The following SYTL2 variants were observed in gnomAD, a reference collection of about 807,000 sequenced individuals.
SYTL2 encodes synaptotagmin like 2, also known as synaptotagmin-like protein 2.
Under a neutral mutation model 198.7 loss-of-function variants are expected in SYTL2, and 165 were observed. The observed-to-expected ratio is 0.83, with a 90% CI of 0.73 to 0.94. The LOEUF (loss-of-function observed/expected upper bound fraction) is 0.94, where lower values mean the gene tolerates loss of function less well. Among genes scored for constraint, SYTL2 ranks in the 40% least tolerant of loss-of-function variants. The probability of loss-of-function intolerance (pLI) is 0.00; values close to 1 mark genes in which losing one functional copy is unlikely to be tolerated. For synonymous variants in SYTL2, 966 were observed against 917.7 expected (o/e 1.05, Z -0.95); for missense variants, 2,835 against 2,582.8 (o/e 1.10, Z -2.12).
chr11:85,760,184 G>A (rs1056740992), intron 1 of SYTL2, among the ~76,000 whole-genome samples: 3 of 152,140 alleles, frequency 2.0e-5, no homozygotes, highest in African/African-American at 7.2e-5. Context: ...CTGGGTTCCA[G>A]AAAGAGATAA....
At chr11:85,757,578 G>C in intron 2 of SYTL2, 47 bp downstream of exon 2, 2 of 1,601,150 alleles carry the variant, frequency 1.2e-6, no homozygotes, top group Admixed American at 1.7e-5. Context: ...TTTTCGTACA[G>C]ACTGCCTCTT....
intron 16 of SYTL2, among the ~76,000 whole-genome samples, chr11:85,701,456 G>T (rs2084288211): frequency 6.6e-6 from 1 of 152,104 alleles, no homozygotes; most frequent in African/African-American, 2.4e-5. Flanking sequence ...TTTGAATTAG[G>T]GATGCTAAAC....
chr11:85,830,753 T>C, the SYTL2 span, among the ~76,000 whole-genome samples: 1 of 152,196 alleles, frequency 6.6e-6, no homozygotes, highest in Non-Finnish European at 1.5e-5. Context: ...CCTTACAGCA[T>C]CCCTAGTGAG....
chr11:85,699,395 A>G (rs1304101666), intron 17 of SYTL2, among the ~76,000 whole-genome samples: 1 of 152,174 alleles, frequency 6.6e-6, no homozygotes, highest in African/African-American at 2.4e-5. Flanking sequence ...TCTACTACCA[A>G]GTGATAGAAG....
intron 1 of SYTL2, among the ~76,000 whole-genome samples, chr11:85,770,889 T>G (rs762733317): frequency 1.6e-4 from 24 of 152,206 alleles, no homozygotes; most frequent in Non-Finnish European, 3.4e-4. Flanking sequence ...GAGCCCAGGC[T>G]CTAGAGTCAG....
At chr11:85,700,398 T>C (rs1406987491) in intron 17 of SYTL2, 117 bp downstream of exon 17, 4 of 748,276 alleles carry the variant, frequency 5.3e-6, no homozygotes, top group East Asian at 2.5e-5. Context: ...ATTTGGTCTA[T>C]ACGTTACTAA....
the SYTL2 span, among the ~76,000 whole-genome samples, chr11:85,836,643 G>C: frequency 6.6e-6 from 1 of 152,022 alleles, no homozygotes; most frequent in Non-Finnish European, 1.5e-5. Flanking sequence ...TGACACATAT[G>C]ATATAACAAA....
At position 85,767,974 on chromosome 11, in the gene SYTL2, C is replaced by G. The variant is rs578031611; in HGVS notation, c.-389-9860G>C. Among the ~76,000 whole-genome samples the G allele has an allele frequency of 6.0e-4, 91 of 152,298 alleles. 2 individuals carry two copies. Among genetic ancestry groups the G allele is most frequent in the African/African-American group, 2.1e-3 (89 of 41,554 alleles). On this transcript the variant is annotated intron_variant, in intron 1 of 19. Transcript: ENST00000359152. ...GTCACGTGAGCTCAGCACTATGCACCTGCAGCACTCTGAGAATTAGTGTCT... is the reference window on the plus strand; with the variant it reads ...GTCACGTGAGCTCAGCACTATGCACGTGCAGCACTCTGAGAATTAGTGTCT...
At chr11:85,846,803 G>A in the SYTL2 span, among the ~76,000 whole-genome samples, 14 of 144,200 alleles carry the variant, frequency 9.7e-5, no homozygotes, top group Non-Finnish European at 1.9e-4. Flanking sequence ...GCACAGTCTC[G>A]CCTCACTGCA....
the SYTL2 span, among the ~76,000 whole-genome samples, chr11:85,829,387 C>A: frequency 3.9e-5 from 6 of 152,212 alleles, no homozygotes; most frequent in Middle Eastern, 3.4e-3. Flanking sequence ...TGATTTTGTT[C>A]TTTTTTATGG....
At chr11:85,741,213 A>C (rs1359590860) in intron 4 of SYTL2, among the ~76,000 whole-genome samples, 1 of 152,172 alleles carries the variant, frequency 6.6e-6, no homozygotes, top group East Asian at 1.9e-4. Flanking sequence ...CCCAGCACCC[A>C]GAACTGTGCT....
intron 1 of SYTL2, among the ~76,000 whole-genome samples, chr11:85,762,424 T>C (rs2092122018): frequency 6.6e-6 from 1 of 152,194 alleles, no homozygotes; most frequent in Non-Finnish European, 1.5e-5. Context: ...CCATCCTCCA[T>C]TCAGCATGAT....
intron 1 of SYTL2, among the ~76,000 whole-genome samples, chr11:85,798,857 A>G (rs1356513161): frequency 1.3e-5 from 2 of 152,210 alleles, no homozygotes; most frequent in African/African-American, 4.8e-5. Context: ...GACTCCCAGA[A>G]GAAAAGCAGG....
intron 1 of SYTL2, among the ~76,000 whole-genome samples, chr11:85,782,683 A>G (rs1290802394): frequency 1.3e-5 from 2 of 152,208 alleles, no homozygotes; most frequent in African/African-American, 4.8e-5. Context: ...CATCTTGAAC[A>G]CTTTACCGCT....
At chr11:85,786,864 A>G (rs2092643833) in intron 1 of SYTL2, among the ~76,000 whole-genome samples, 2 of 152,232 alleles carry the variant, frequency 1.3e-5, no homozygotes, top group African/African-American at 2.4e-5. Flanking sequence ...CTTACTTACC[A>G]TGAGAGCCCA....
intron 1 of SYTL2, among the ~76,000 whole-genome samples, chr11:85,786,469 T>C (rs1308596774): frequency 3.3e-5 from 5 of 152,204 alleles, no homozygotes; most frequent in Admixed American, 2.6e-4. Context: ...TTGTACAAAA[T>C]GTTACCATAG....
In SYTL2 at chr11:85,717,452, A is replaced by T. The variant is rs549854124; in HGVS notation, c.5530+31T>A. ...ATTTAATATGTAAAGTGGAATGTTT[A>T]GTCATTTGTGAGAAAGATCCTGCTA... On this transcript the variant is annotated intron_variant, in intron 11 of 19. Transcript: ENST00000359152. The T allele has an allele frequency of 2.5e-6, 4 of 1,584,264 alleles. No individual in the cohort carries two copies. The South Asian group carries it at 4.4e-5, about 18-fold the overall frequency.
chr11:85,802,721 G>A (rs2092908898), intron 1 of SYTL2, among the ~76,000 whole-genome samples: 1 of 152,164 alleles, frequency 6.6e-6, no homozygotes, highest in Admixed American at 6.5e-5. Flanking sequence ...ATTGAATAGT[G>A]ACTCTATGCA....
At chr11:85,791,329 G>A (rs1475793872) in intron 1 of SYTL2, among the ~76,000 whole-genome samples, 1 of 152,086 alleles carries the variant, frequency 6.6e-6, no homozygotes, top group Non-Finnish European at 1.5e-5. Flanking sequence ...CAGCTTTGCT[G>A]GGTACAGCAC....
Sources: gnomAD v4.1 joint callset for allele counts (sites outside exome capture counted in the v4.1 genomes callset) on GRCh38, gnomAD v4.1.1 for gene constraint, MANE v1.5 for transcripts, NCBI Gene and HGNC (gene_info 2026-07-23, HGNC 2026-07-21) for gene names.